The following CTNND2 variants were observed in gnomAD, a reference collection of about 807,000 sequenced individuals.
CTNND2 encodes catenin delta-2.
A neutral mutation model predicts 144.4 loss-of-function variants in CTNND2; 22 were observed. The ratio of observed to expected loss-of-function variants is 0.15; its 90% confidence interval spans 0.11 to 0.22. The LOEUF (loss-of-function observed/expected upper bound fraction) is 0.22, where lower values mean the gene tolerates loss of function less well. CTNND2 is among the 10% of genes least tolerant of loss of function. The pLI is 1.00. For missense variants in CTNND2, 1,353 were observed against 1,618.8 expected (o/e 0.84, Z 2.82); for synonymous variants, 751 against 695.6 (o/e 1.08, Z -1.25).
At chr5:11,304,309 ACG>A (rs1749936085) in intron 9 of CTNND2, among the ~76,000 whole-genome samples, 1 of 149,508 alleles carries the variant, frequency 6.7e-6, no homozygotes, top group South Asian at 2.1e-4. Context: ...TGCATTACAC[ACG>A]GACACACCAC....
intron 2 of CTNND2, among the ~76,000 whole-genome samples, chr5:11,623,355 T>C (rs1035769908): frequency 1.3e-5 from 2 of 152,090 alleles, no homozygotes; most frequent in Non-Finnish European, 2.9e-5. Flanking sequence ...ACTGTTCTCA[T>C]GGCAGTGACT....
At chr5:11,203,837 GA>G (rs1453159110) in intron 10 of CTNND2, among the ~76,000 whole-genome samples, 1 of 152,166 alleles carries the variant, frequency 6.6e-6, no homozygotes, top group Non-Finnish European at 1.5e-5. Context: ...AATGAATGTT[GA>G]ATTACATACG....
intron 3 of CTNND2, among the ~76,000 whole-genome samples, chr5:11,501,434 T>G (rs1226237299): frequency 6.6e-6 from 1 of 152,178 alleles, no homozygotes; most frequent in Non-Finnish European, 1.5e-5. Flanking sequence ...CTACTGGGTC[T>G]CTCACCTGAC....
intron 9 of CTNND2, among the ~76,000 whole-genome samples, chr5:11,316,050 C>A (rs1294962534): frequency 6.6e-6 from 1 of 152,066 alleles, no homozygotes; most frequent in Non-Finnish European, 1.5e-5. Flanking sequence ...ATTTTATTAA[C>A]AAGGTTTCTA....
At chr5:11,138,157 C>T (rs1012653370) in intron 12 of CTNND2, among the ~76,000 whole-genome samples, 1 of 152,158 alleles carries the variant, frequency 6.6e-6, no homozygotes, top group African/African-American at 2.4e-5. Flanking sequence ...TATTTCTTGG[C>T]GTGTGGCCTC....
intron 1 of CTNND2, among the ~76,000 whole-genome samples, chr5:11,764,348 A>G (rs944131012): frequency 2.2e-4 from 33 of 152,142 alleles, no homozygotes; most frequent in Middle Eastern, 3.2e-3. Flanking sequence ...ACAAATTTAT[A>G]TTGTTTTAAG....
intron 9 of CTNND2, among the ~76,000 whole-genome samples, chr5:11,276,129 T>A (rs1746497083): frequency 6.6e-6 from 1 of 152,192 alleles, no homozygotes; most frequent in African/African-American, 2.4e-5. Flanking sequence ...TAGACCTCAG[T>A]GAGGACGTGA....
intron 9 of CTNND2, among the ~76,000 whole-genome samples, chr5:11,328,051 T>G (rs1479312871): frequency 6.6e-6 from 1 of 152,250 alleles, no homozygotes; most frequent in Non-Finnish European, 1.5e-5. Context: ...ACAGTGATTC[T>G]TATTCTGTAG....
At position 11,002,670 on chromosome 5, in the gene CTNND2, G is replaced by A. The variant is rs1229176530; in HGVS notation, c.3085-9993C>T. Among the ~76,000 whole-genome samples the A allele has an allele frequency of 3.3e-5, 5 of 152,132 alleles. 1 individual carries two copies. The East Asian group carries it at 5.8e-4, about 18-fold the overall frequency. Reference sequence around the variant, plus strand: ...AGCAGAAAATGGAATTTTGAGTTACGTGCATGGTGGCTTCTGACCCTGCTC... The same window carrying A: ...AGCAGAAAATGGAATTTTGAGTTACATGCATGGTGGCTTCTGACCCTGCTC... On this transcript the variant is annotated intron_variant, in intron 18 of 21. Coordinates refer to ENST00000304623, the MANE Select transcript of CTNND2 (RefSeq NM_001332.4).
At chr5:11,302,527 C>CGGTA (rs1749722226) in intron 9 of CTNND2, among the ~76,000 whole-genome samples, 2 of 152,264 alleles carry the variant, frequency 1.3e-5, no homozygotes, top group African/African-American at 4.8e-5. Flanking sequence ...GCAACAAACC[C>CGGTA]GGTAAATGCC....
intron 3 of CTNND2, among the ~76,000 whole-genome samples, chr5:11,532,206 C>T (rs1180311930): frequency 1.3e-5 from 2 of 152,048 alleles, no homozygotes; most frequent in African/African-American, 2.4e-5. Flanking sequence ...GTTGTGACTA[C>T]ACCACAGCCC....
Position 11,360,975 on chromosome 5 carries a change from C to T in CTNND2, c.1372+3721G>A, listed in dbSNP as rs368721974. Among the ~76,000 whole-genome samples the T allele has an allele frequency of 9.9e-4, 150 of 152,258 alleles. 3 individuals are homozygous for T. The South Asian group carries it at 0.03, about 31-fold the overall frequency. ...TGATGATTTTTACCAATGCAGTCAA[C>T]GAAGCCCAGGATCTAGGGTAAGACT... On this transcript the variant is annotated intron_variant, in intron 8 of 21. Transcript: ENST00000304623.
At chr5:11,749,596 A>G (rs1434623308) in intron 1 of CTNND2, among the ~76,000 whole-genome samples, 1 of 152,050 alleles carries the variant, frequency 6.6e-6, no homozygotes, top group Non-Finnish European at 1.5e-5. Context: ...ATGACTTAGC[A>G]TGAGAGTAAT....
At chr5:11,316,213 A>C (rs1436660068) in intron 9 of CTNND2, among the ~76,000 whole-genome samples, 2 of 152,018 alleles carry the variant, frequency 1.3e-5, no homozygotes, top group Non-Finnish European at 2.9e-5. Context: ...GGTATATTCT[A>C]AACACTTTGT....
intron 9 of CTNND2, among the ~76,000 whole-genome samples, chr5:11,258,153 T>G (rs1744470148): frequency 6.6e-6 from 1 of 152,156 alleles, no homozygotes; most frequent in Non-Finnish European, 1.5e-5. Context: ...GGATTTCTTC[T>G]AACCAATCCC....
intron 9 of CTNND2, among the ~76,000 whole-genome samples, chr5:11,256,562 A>C (rs1744272855): frequency 6.6e-6 from 1 of 152,240 alleles, no homozygotes; most frequent in Admixed American, 6.5e-5. Flanking sequence ...AACTATTCCA[A>C]GATAAAGTCA....
At chr5:11,866,866 T>C (rs775269678) in intron 1 of CTNND2, among the ~76,000 whole-genome samples, 3 of 152,210 alleles carry the variant, frequency 2.0e-5, no homozygotes, top group African/African-American at 4.8e-5. Context: ...AATCAATACA[T>C]GATTCTAGTT....
chr5:11,863,212 C>T (rs1042022816), intron 1 of CTNND2, among the ~76,000 whole-genome samples: 10 of 152,196 alleles, frequency 6.6e-5, no homozygotes, highest in Non-Finnish European at 1.3e-4. Context: ...GTACAGAGCA[C>T]ACTGTTATGC....
intron 3 of CTNND2, among the ~76,000 whole-genome samples, chr5:11,412,635 A>G (rs1158189274): frequency 6.6e-6 from 1 of 152,160 alleles, no homozygotes; most frequent in East Asian, 1.9e-4. Flanking sequence ...CCAGACGGAA[A>G]GGGTTGTCCA....
Sources: allele counts gnomAD v4.1 joint callset (sites outside exome capture counted in the v4.1 genomes callset), GRCh38; gene constraint gnomAD v4.1.1; transcripts MANE v1.5; gene names NCBI Gene and HGNC (gene_info 2026-07-23, HGNC 2026-07-21).